Variants in RABGAP1L observed in about 807,000 individuals in gnomAD.
The protein encoded by RABGAP1L is RAB GTPase activating protein 1 like.
A neutral mutation model predicts 137.7 loss-of-function variants in RABGAP1L; 63 were observed. The observed-to-expected ratio is 0.46, with a 90% CI of 0.37 to 0.56. The LOEUF (loss-of-function observed/expected upper bound fraction) is 0.56, where lower values mean the gene tolerates loss of function less well. RABGAP1L is among the 20% of genes least tolerant of loss of function. The pLI, the probability that RABGAP1L is intolerant of heterozygous loss-of-function variation, is 0.00. For missense variants in RABGAP1L, 1,095 were observed against 1,244.0 expected (o/e 0.88, Z 1.80); for synonymous variants, 431 against 433.7 (o/e 0.99, Z 0.08).
At chr1:174,201,249 C>A (rs963692197) in intron 1 of RABGAP1L, among the ~76,000 whole-genome samples, 1 of 151,750 alleles carries the variant, frequency 6.6e-6, no homozygotes, top group Non-Finnish European at 1.5e-5. Flanking sequence ...GCCACCACAC[C>A]CAGTGTAGAA....
At chr1:174,498,074 G>A (rs933155239) in intron 13 of RABGAP1L, among the ~76,000 whole-genome samples, 2 of 152,062 alleles carry the variant, frequency 1.3e-5, no homozygotes, top group Admixed American at 6.5e-5. Flanking sequence ...CATTTTTAAA[G>A]TTCCAAATTA....
rs67065448 is a variant in RABGAP1L, at chr1:174,816,147, C to CTTTTTTT, written c.2340+4203_2340+4209dup. 9.4e-4 allele frequency among the ~76,000 whole-genome samples: 81 copies of CTTTTTTT among 86,174 alleles called. 1 individual carries two copies. Among genetic ancestry groups the CTTTTTTT allele is most frequent in the Middle Eastern group, 0.02 (2 of 102 alleles). 56.5% of individuals were successfully genotyped at this position (86,174 alleles called of 152,430 possible). On this transcript the variant is annotated intron_variant, in intron 19 of 25. Transcript: ENST00000681986. ...TTTTTCTTAGTAACATAATACATAG[C>CTTTTTTT]TTTTTTTTTTTTTTTTTTTTTTGAG...
intron 13 of RABGAP1L, among the ~76,000 whole-genome samples, chr1:174,413,771 G>A (rs899016304): frequency 6.6e-6 from 1 of 152,036 alleles, no homozygotes; most frequent in African/African-American, 2.4e-5. Context: ...TTTATATTGG[G>A]CTGTGCAATT....
At chr1:174,263,601 G>C (rs1203845804) in intron 7 of RABGAP1L, among the ~76,000 whole-genome samples, 1 of 152,014 alleles carries the variant, frequency 6.6e-6, no homozygotes, top group African/African-American at 2.4e-5. Flanking sequence ...TCACAGTAAT[G>C]GCAAGGAAAA....
chr1:174,797,470 C>A (rs997334549), intron 18 of RABGAP1L, among the ~76,000 whole-genome samples: 3 of 132,682 alleles, frequency 2.3e-5, no homozygotes, highest in Non-Finnish European at 4.7e-5. Flanking sequence ...TCTAAATGTG[C>A]GTGGTGTTGG....
At chr1:174,711,339 A>G (rs568413110) in intron 17 of RABGAP1L, among the ~76,000 whole-genome samples, 1 of 151,992 alleles carries the variant, frequency 6.6e-6, no homozygotes, top group Non-Finnish European at 1.5e-5. Context: ...GTGGGAGCCC[A>G]GGCAGAGGAG....
chr1:174,770,519 A>G (rs1028710684), intron 18 of RABGAP1L, among the ~76,000 whole-genome samples: 2 of 152,250 alleles, frequency 1.3e-5, no homozygotes, highest in African/African-American at 2.4e-5. Flanking sequence ...ACAGTTGAAT[A>G]AACACACCAT....
intron 19 of RABGAP1L, among the ~76,000 whole-genome samples, chr1:174,833,099 C>T (rs1041592606): frequency 6.6e-6 from 1 of 152,078 alleles, no homozygotes. Context: ...CTCTTTTACT[C>T]ACTATTTTTG....
chr1:174,673,594 A>G (rs1177789414), intron 14 of RABGAP1L, among the ~76,000 whole-genome samples: 1 of 152,194 alleles, frequency 6.6e-6, no homozygotes, highest in African/African-American at 2.4e-5. Context: ...TCTCTTCTTA[A>G]TGCATTCTTT....
chr1:174,621,805 T>C (rs1374644981), intron 13 of RABGAP1L, among the ~76,000 whole-genome samples: 1 of 152,244 alleles, frequency 6.6e-6, no homozygotes, highest in Non-Finnish European at 1.5e-5. Flanking sequence ...AAGGACTTCA[T>C]GTCTAAAACA....
intron 13 of RABGAP1L, among the ~76,000 whole-genome samples, chr1:174,559,661 C>T (rs763401984): frequency 7.2e-5 from 11 of 152,102 alleles, no homozygotes; most frequent in Non-Finnish European, 1.2e-4. Flanking sequence ...TTCCATTTCA[C>T]GTCTTTCCTA....
At chr1:174,762,731 T>A (rs1234823959) in intron 18 of RABGAP1L, among the ~76,000 whole-genome samples, 2 of 152,006 alleles carry the variant, frequency 1.3e-5, no homozygotes, top group East Asian at 3.9e-4. Flanking sequence ...GGTTTTCTTT[T>A]CCCTCACTTC....
At position 174,247,595 on chromosome 1, in the gene RABGAP1L, G is replaced by A. The variant is rs145452289; in HGVS notation, c.718-2880G>A. 1.3e-3 allele frequency among the ~76,000 whole-genome samples: 194 copies of A among 152,288 alleles called. 1 individual carries two copies. Among genetic ancestry groups the A allele is most frequent in the African/African-American group, 4.4e-3 (182 of 41,572 alleles). ...GTCCACCCAACATGGCAATTCCCAGGGCCTTCTTGCCCTTGCCCCACATGT... is the reference window on the plus strand; with the variant it reads ...GTCCACCCAACATGGCAATTCCCAGAGCCTTCTTGCCCTTGCCCCACATGT... On this transcript the variant is annotated intron_variant, in intron 5 of 25. Transcript: ENST00000681986.
intron 13 of RABGAP1L, among the ~76,000 whole-genome samples, chr1:174,598,842 A>AT (rs890527435): frequency 6.7e-6 from 1 of 150,214 alleles, no homozygotes; most frequent in Non-Finnish European, 1.5e-5. Flanking sequence ...TCTTTTTTTT[A>AT]TTTTTTTAAT....
intron 13 of RABGAP1L, among the ~76,000 whole-genome samples, chr1:174,622,009 A>C (rs899194672): frequency 7.0e-6 from 1 of 142,540 alleles, no homozygotes; most frequent in East Asian, 1.9e-4. Flanking sequence ...ATCTACAAAC[A>C]AAAAGCAAAC....
At chr1:174,464,063 G>A (rs1657017410) in intron 13 of RABGAP1L, among the ~76,000 whole-genome samples, 2 of 152,060 alleles carry the variant, frequency 1.3e-5, no homozygotes. Context: ...TATGAGAAAT[G>A]TTACCATTTG....
chr1:174,973,893 A>C (rs986100598), intron 21 of RABGAP1L, among the ~76,000 whole-genome samples: 24 of 151,652 alleles, frequency 1.6e-4, no homozygotes, highest in Non-Finnish European at 2.4e-4. Context: ...ATTCTGGGGT[A>C]GAACTTGAAC....
At chr1:174,547,240 C>T (rs1374370159) in intron 13 of RABGAP1L, among the ~76,000 whole-genome samples, 6 of 152,082 alleles carry the variant, frequency 3.9e-5, no homozygotes, top group Admixed American at 2.6e-4. Context: ...GTAGCCTTTT[C>T]CTGCTACCAC....
intron 13 of RABGAP1L, among the ~76,000 whole-genome samples, chr1:174,624,003 C>T (rs557752406): frequency 6.6e-6 from 1 of 152,228 alleles, no homozygotes; most frequent in African/African-American, 2.4e-5. Context: ...GAGACTATGA[C>T]AGATGAAATG....
Sources: gnomAD v4.1 joint callset for allele counts (sites outside exome capture counted in the v4.1 genomes callset) on GRCh38, gnomAD v4.1.1 for gene constraint, MANE v1.5 for transcripts, NCBI Gene and HGNC (gene_info 2026-07-23, HGNC 2026-07-21) for gene names.